The following L3MBTL4 variants were observed in gnomAD, a reference collection of about 807,000 sequenced individuals.
L3MBTL4 encodes lethal(3)malignant brain tumor-like protein 4.
Under a neutral mutation model 84.5 loss-of-function variants are expected in L3MBTL4, and 70 were observed. That is an observed-to-expected ratio of 0.83 (90% CI 0.68 to 1.01). The LOEUF is 1.01. Ranked by LOEUF, L3MBTL4 falls within the 50% of genes least tolerant of loss-of-function variation. L3MBTL4 has a pLI of 0.00. For synonymous variants in L3MBTL4, 274 were observed against 259.8 expected (o/e 1.05, Z -0.52); for missense variants, 715 against 754.8 (o/e 0.95, Z 0.62).
At chr18:6,174,199 A>G (rs2044115091) in intron 12 of L3MBTL4, among the ~76,000 whole-genome samples, 1 of 152,146 alleles carries the variant, frequency 6.6e-6, no homozygotes, top group South Asian at 2.1e-4. Context: ...CATATAACAT[A>G]CAAAAGTTTA....
intron 1 of L3MBTL4, among the ~76,000 whole-genome samples, chr18:6,393,716 C>T (rs754388308): frequency 6.6e-5 from 10 of 152,208 alleles, no homozygotes; most frequent in African/African-American, 1.7e-4. Flanking sequence ...TCACCACAGA[C>T]GCTGCTACTG....
At chr18:6,204,707 C>G (rs956986953) in intron 12 of L3MBTL4, among the ~76,000 whole-genome samples, 6 of 152,224 alleles carry the variant, frequency 3.9e-5, no homozygotes, top group African/African-American at 1.4e-4. Flanking sequence ...ATCTGCCCCT[C>G]AGCATCTTTG....
chr18:6,318,770 G>A (rs2051255335), intron 1 of L3MBTL4, among the ~76,000 whole-genome samples: 2 of 151,866 alleles, frequency 1.3e-5, no homozygotes, highest in African/African-American at 4.8e-5. Flanking sequence ...CTACATGATA[G>A]AACAAATGAA....
chr18:5,988,287 TA>T (rs980191333), intron 16 of L3MBTL4, among the ~76,000 whole-genome samples: 7 of 152,232 alleles, frequency 4.6e-5, no homozygotes, highest in African/African-American at 1.7e-4. Flanking sequence ...ACAATTATTC[TA>T]AGCTAATTAA....
intron 16 of L3MBTL4, among the ~76,000 whole-genome samples, chr18:5,975,470 C>T (rs2052869872): frequency 6.6e-6 from 1 of 152,182 alleles, no homozygotes; most frequent in African/African-American, 2.4e-5. Context: ...GTTACTCCAC[C>T]CAGGACCTGT....
intron 16 of L3MBTL4, among the ~76,000 whole-genome samples, chr18:6,000,291 A>G (rs1384392872): frequency 2.0e-5 from 3 of 152,190 alleles, no homozygotes; most frequent in African/African-American, 7.2e-5. Context: ...TGAGGCAATT[A>G]TCTCTAGGAA....
At position 5,956,456 on chromosome 18, in the gene L3MBTL4, C is replaced by T. The variant is rs989066812; in HGVS notation, c.1678-69G>A. The T allele has an allele frequency of 2.1e-5, 31 of 1,489,722 alleles. No individual in the cohort carries two copies. The South Asian group carries it at 2.5e-4, about 12-fold the overall frequency. 92.3% of individuals were successfully genotyped at this position (1,489,722 alleles called of 1,614,324 possible). A position where few individuals can be genotyped will look rare whatever the true frequency, so the allele number is the denominator to read the frequency against. Reference sequence around the variant, plus strand: ...GAAGCCTGTTTACTCACCAGTAACACTTTGGTTCTGAGTGTGATGTGGAAC... The same window carrying T: ...GAAGCCTGTTTACTCACCAGTAACATTTTGGTTCTGAGTGTGATGTGGAAC... On this transcript the variant is annotated intron_variant, in intron 18 of 18. Coordinates refer to ENST00000317931, the MANE Select transcript of L3MBTL4 (RefSeq NM_001330559.2).
At position 6,136,613 on chromosome 18, in the gene L3MBTL4, G is replaced by A. The variant is rs868310641; in HGVS notation, c.1199+1581C>T. Among the ~76,000 whole-genome samples the A allele has an allele frequency of 2.7e-4, 41 of 152,252 alleles. No homozygotes were observed. In the Middle Eastern group the frequency reaches 0.017, roughly 63 times the overall value. On this transcript the variant is annotated intron_variant, in intron 14 of 18. Coordinates refer to ENST00000317931, the MANE Select transcript of L3MBTL4 (RefSeq NM_001330559.2). ...ATTGGTTGCTTTCCACAACCGATCA[G>A]ACTGACTGTGGCCCACTACTTCACC...
intron 1 of L3MBTL4, among the ~76,000 whole-genome samples, chr18:6,345,421 C>CAAAA (rs1157761659): frequency 3.3e-5 from 5 of 150,226 alleles, no homozygotes; most frequent in Non-Finnish European, 5.9e-5. Context: ...AACAAACAAA[C>CAAAA]AAAAAAAACC....
chr18:6,412,329 C>A (rs533321278), intron 1 of L3MBTL4, among the ~76,000 whole-genome samples: 30 of 152,256 alleles, frequency 2.0e-4, no homozygotes, highest in African/African-American at 7.0e-4. Context: ...GCTCACTCCC[C>A]CACTTCACCA....
intron 16 of L3MBTL4, among the ~76,000 whole-genome samples, chr18:5,976,786 T>G (rs947918808): frequency 6.6e-6 from 1 of 152,140 alleles, no homozygotes; most frequent in Non-Finnish European, 1.5e-5. Context: ...TATTTTTCAT[T>G]TACTACAAAA....
chr18:6,351,512 T>C (rs2053183632), intron 1 of L3MBTL4, among the ~76,000 whole-genome samples: 1 of 152,166 alleles, frequency 6.6e-6, no homozygotes, highest in Admixed American at 6.5e-5. Context: ...TTAAGTAAAT[T>C]TTGTATTATG....
chr18:5,967,395 G>A (rs1289137523), intron 17 of L3MBTL4, among the ~76,000 whole-genome samples: 2 of 152,224 alleles, frequency 1.3e-5, no homozygotes, highest in East Asian at 1.9e-4. Flanking sequence ...CATGATTAAT[G>A]CCTGCACAGG....
chr18:6,210,481 C>A (rs1286551614), intron 12 of L3MBTL4, among the ~76,000 whole-genome samples: 1 of 152,188 alleles, frequency 6.6e-6, no homozygotes, highest in African/African-American at 2.4e-5. Flanking sequence ...GGGTTTAAAA[C>A]CCTGTTCCCA....
chr18:6,305,120 T>C (rs1448235885), intron 3 of L3MBTL4, among the ~76,000 whole-genome samples: 2 of 152,232 alleles, frequency 1.3e-5, no homozygotes, highest in South Asian at 2.1e-4. Flanking sequence ...ACACGAAAGA[T>C]TATATTGTGT....
intron 12 of L3MBTL4, among the ~76,000 whole-genome samples, chr18:6,180,824 T>G (rs978707851): frequency 6.6e-5 from 10 of 152,226 alleles, no homozygotes; most frequent in Non-Finnish European, 1.2e-4. Context: ...TTTCCATGCT[T>G]GTATGCCAAT....
At chr18:6,368,034 T>C (rs967820193) in intron 1 of L3MBTL4, among the ~76,000 whole-genome samples, 3 of 152,150 alleles carry the variant, frequency 2.0e-5, no homozygotes, top group Non-Finnish European at 4.4e-5. Flanking sequence ...TCTGAGTTGC[T>C]GAGGGATACC....
intron 14 of L3MBTL4, among the ~76,000 whole-genome samples, chr18:6,109,922 C>A (rs1427919040): frequency 7.2e-6 from 1 of 139,202 alleles, no homozygotes; most frequent in African/African-American, 2.8e-5. Flanking sequence ...CATCTGTCAG[C>A]CCACGTGCAC....
In L3MBTL4 at chr18:6,137,904, A is replaced by G. The variant is rs541630651; in HGVS notation, c.1199+290T>C. 5.2e-5 allele frequency among the ~76,000 whole-genome samples: 8 copies of G among 152,382 alleles called. No homozygotes were observed. The South Asian group carries it at 1.7e-3, about 32-fold the overall frequency. On this transcript the variant is annotated intron_variant, in intron 14 of 18. Coordinates refer to ENST00000317931, the MANE Select transcript of L3MBTL4 (RefSeq NM_001330559.2). ...TCTAGAAGAAAGCAAGTCTCAGGAC[A>G]GGGTGGTGGGTGTGTATGACAGTGT... is the stretch of plus-strand genomic sequence containing the variant.
Sources: gnomAD v4.1 joint callset for allele counts (sites outside exome capture counted in the v4.1 genomes callset) on GRCh38, gnomAD v4.1.1 for gene constraint, MANE v1.5 for transcripts, NCBI Gene and HGNC (gene_info 2026-07-23, HGNC 2026-07-21) for gene names.